Variants in ZNF827 observed in about 807,000 individuals in gnomAD.
ZNF827 encodes zinc finger protein 827.
A neutral mutation model predicts 102.4 loss-of-function variants in ZNF827; 13 were observed. The observed-to-expected ratio is 0.13, with a 90% CI of 0.08 to 0.20. The LOEUF (loss-of-function observed/expected upper bound fraction) is 0.20. ZNF827 is among the 10% of genes least tolerant of loss of function. ZNF827 has a pLI of 1.00. For missense variants in ZNF827, 1,103 were observed against 1,344.4 expected, an observed-to-expected ratio of 0.82 and a Z score of 2.81; for synonymous variants, 523 against 536.2, an observed-to-expected ratio of 0.98 and a Z score of 0.34.
intron 2 of ZNF827, among the ~76,000 whole-genome samples, chr4:145,901,294 C>A (rs1315252704): frequency 1.3e-5 from 2 of 152,196 alleles, no homozygotes. Context: ...AACCCCAACA[C>A]GCATCCCAGG....
chr4:145,823,308 ACCTT>A lies in ZNF827; in HGVS notation c.2383+110_2383+113del, dbSNP rs1269976512. On this transcript the variant is annotated intron_variant, in intron 8 of 14. Transcript: ENST00000508784. ...GTTTCTCCTTCTTTTCTAAAACCTA[ACCTT>A]ATATGAATAACTACATCCGTAAGCT... 5 of 834,770 alleles carry A rather than the reference ACCTT, an allele frequency of 6.0e-6. No homozygotes were observed. In the South Asian group the frequency reaches 6.8e-5, roughly 11 times the overall value. The allele number at this position is 834,770 out of a possible 1,614,324, so 51.7% of individuals were successfully genotyped here.
At chr4:145,823,290 C>T (rs1470539379) in intron 8 of ZNF827, 132 bp downstream of exon 8, 4 of 693,374 alleles carry the variant, frequency 5.8e-6, no homozygotes, top group South Asian at 4.2e-5. Flanking sequence ...TGAGTTTCTC[C>T]TTCTTTTCTA....
rs1371070143 is a variant in ZNF827, at chr4:145,870,241, G to C, written c.1981+4C>G. On this transcript the variant is annotated splice_donor_region_variant and intron_variant, in intron 5 of 14. Transcript: ENST00000508784. Reference sequence around the variant, plus strand: ...ATGTGAATATTTTAGAATAAATCAAGTACCTGAGAGTTTCATGAGAAGTTC... The same window carrying C: ...ATGTGAATATTTTAGAATAAATCAACTACCTGAGAGTTTCATGAGAAGTTC... 9 of 1,613,096 alleles carry C rather than the reference G, an allele frequency of 5.6e-6. No homozygotes were observed.
At chr4:145,773,045 G>A (rs1382153342) in intron 11 of ZNF827, among the ~76,000 whole-genome samples, 2 of 152,124 alleles carry the variant, frequency 1.3e-5, no homozygotes, top group African/African-American at 4.8e-5. Flanking sequence ...AGGGAGGAAG[G>A]TTTTCAACTG....
intron 5 of ZNF827, among the ~76,000 whole-genome samples, chr4:145,857,312 G>A (rs376341911): frequency 3.3e-5 from 5 of 152,172 alleles, no homozygotes; most frequent in African/African-American, 9.7e-5. Flanking sequence ...TAAAAATGCT[G>A]AGCTCAAACT....
chr4:145,793,265 C>A (rs56228735), intron 8 of ZNF827, among the ~76,000 whole-genome samples: 38 of 34,490 alleles, frequency 1.1e-3, no homozygotes, highest in Admixed American at 3.3e-3. Flanking sequence ...ATATATATAT[C>A]TCTTATATAT....
At chr4:145,828,384 TAGA>T (rs1743885004) in intron 7 of ZNF827, among the ~76,000 whole-genome samples, 1 of 152,174 alleles carries the variant, frequency 6.6e-6, no homozygotes, top group Non-Finnish European at 1.5e-5. Context: ...AAAAAGTTGA[TAGA>T]GGAGGAGGTG....
chr4:145,870,671 T>C (rs548789296), intron 4 of ZNF827, 193 bp from the exon 5 acceptor site: 2 of 527,518 alleles, frequency 3.8e-6, no homozygotes, highest in East Asian at 5.9e-5. Flanking sequence ...CTCTGAGGAG[T>C]GTGGGCTTCT....
chr4:145,866,704 T>C (rs76153179), intron 5 of ZNF827, among the ~76,000 whole-genome samples: 4,714 of 152,368 alleles, frequency 0.031, 76 homozygotes, highest in South Asian at 0.046. Context: ...TATTTTTAAA[T>C]GGCATTCTTA....
At chr4:145,809,081 G>A (rs1361878129) in intron 8 of ZNF827, among the ~76,000 whole-genome samples, 1 of 152,220 alleles carries the variant, frequency 6.6e-6, no homozygotes, top group African/African-American at 2.4e-5. Flanking sequence ...GATTACAAGT[G>A]TGAGCCACTG....
In ZNF827 at chr4:145,937,668, G is replaced by A. The variant is rs1469013274; in HGVS notation, c.43+697C>T. ...GTGCGGTGCCCCTACACCCTCCCCAGCCGCTCCCGCCTCGCCCGCCCCCGA... is the reference window on the plus strand; with the variant it reads ...GTGCGGTGCCCCTACACCCTCCCCAACCGCTCCCGCCTCGCCCGCCCCCGA... On this transcript the variant is annotated intron_variant, in intron 1 of 14. Transcript: ENST00000508784. Among the ~76,000 whole-genome samples, 5 of 136,754 alleles carry A rather than the reference G, an allele frequency of 3.7e-5. No individual in the cohort carries two copies. In the South Asian group the frequency reaches 1.2e-3, roughly 32 times the overall value. 89.7% of individuals were successfully genotyped at this position (136,754 alleles called of 152,430 possible).
chr4:145,896,897 G>A (rs980092426), intron 2 of ZNF827, among the ~76,000 whole-genome samples: 4 of 152,184 alleles, frequency 2.6e-5, no homozygotes, highest in East Asian at 1.9e-4. Context: ...TGATCTTATG[G>A]GAGGTTTGAT....
intron 5 of ZNF827, among the ~76,000 whole-genome samples, chr4:145,859,503 C>T (rs898358905): frequency 6.6e-6 from 1 of 152,112 alleles, no homozygotes; most frequent in Non-Finnish European, 1.5e-5. Context: ...GGTGGGACCT[C>T]CCACTAGTAG....
At chr4:145,824,834 T>G (rs1743513558) in intron 7 of ZNF827, among the ~76,000 whole-genome samples, 1 of 152,258 alleles carries the variant, frequency 6.6e-6, no homozygotes, top group African/African-American at 2.4e-5. Context: ...ATGGTTGCTA[T>G]TATTCAATTT....
intron 4 of ZNF827, among the ~76,000 whole-genome samples, chr4:145,883,288 A>G (rs1453277775): frequency 6.6e-6 from 1 of 152,224 alleles, no homozygotes; most frequent in Non-Finnish European, 1.5e-5. Flanking sequence ...ACCATAAAAT[A>G]GCCACATGGG....
chr4:145,863,518 C>T (rs1405820298), intron 5 of ZNF827, among the ~76,000 whole-genome samples: 1 of 152,014 alleles, frequency 6.6e-6, no homozygotes, highest in African/African-American at 2.4e-5. Flanking sequence ...TATATCCATA[C>T]AATGGAATAT....
chr4:145,937,810 C>T (rs1220951518), intron 1 of ZNF827, among the ~76,000 whole-genome samples: 1 of 150,492 alleles, frequency 6.6e-6, no homozygotes, highest in Non-Finnish European at 1.5e-5. Context: ...TAGCCAGGGA[C>T]GGACCTCTCC....
At chr4:145,843,521 T>C (rs1301133441) in intron 7 of ZNF827, among the ~76,000 whole-genome samples, 1 of 152,202 alleles carries the variant, frequency 6.6e-6, no homozygotes, top group Non-Finnish European at 1.5e-5. Flanking sequence ...AATCTTTGTA[T>C]GGGGCCAACT....
intron 5 of ZNF827, among the ~76,000 whole-genome samples, chr4:145,856,292 C>T (rs1461686778): frequency 6.6e-6 from 1 of 152,178 alleles, no homozygotes; most frequent in Non-Finnish European, 1.5e-5. Flanking sequence ...ACCGTGTCTC[C>T]AGCCAAGACA....
Sources: allele counts gnomAD v4.1 joint callset (sites outside exome capture counted in the v4.1 genomes callset), GRCh38; gene constraint gnomAD v4.1.1; transcripts MANE v1.5; gene names NCBI Gene and HGNC (gene_info 2026-07-23, HGNC 2026-07-21).